The following GALNTL6 variants were observed in gnomAD, a reference collection of about 807,000 sequenced individuals.
The protein encoded by GALNTL6 is polypeptide N-acetylgalactosaminyltransferase like 6.
A neutral mutation model predicts 73.7 loss-of-function variants in GALNTL6; 46 were observed. The ratio of observed to expected loss-of-function variants is 0.62; its 90% CI spans 0.49 to 0.80. The LOEUF is 0.80. GALNTL6 is among the 30% of genes least tolerant of loss of function. The pLI is 0.00. For missense variants in GALNTL6, 604 were observed against 755.0 expected, an observed-to-expected ratio of 0.80 and a Z score of 2.34; for synonymous variants, 259 against 263.7, an observed-to-expected ratio of 0.98 and a Z score of 0.17.
intron 8 of GALNTL6, among the ~76,000 whole-genome samples, chr4:172,902,789 C>T (rs765837156): frequency 2.6e-5 from 4 of 152,180 alleles, no homozygotes; most frequent in Admixed American, 1.3e-4. Context: ...GTTAACTTAC[C>T]TCTACAGTCA....
intron 7 of GALNTL6, among the ~76,000 whole-genome samples, chr4:172,881,856 A>T (rs1745468134): frequency 6.6e-6 from 1 of 152,136 alleles, no homozygotes; most frequent in South Asian, 2.1e-4. Context: ...GAAGAGCCCT[A>T]GCGCAGCCTC....
chr4:172,818,569 A>G (rs1741741510), intron 7 of GALNTL6, among the ~76,000 whole-genome samples: 1 of 152,168 alleles, frequency 6.6e-6, no homozygotes, highest in African/African-American at 2.4e-5. Flanking sequence ...ATAAATACAT[A>G]TATACAGCAG....
chr4:172,343,152 A>G (rs1198197834), intron 4 of GALNTL6, among the ~76,000 whole-genome samples: 1 of 152,314 alleles, frequency 6.6e-6, no homozygotes, highest in Admixed American at 6.5e-5. Context: ...ACAAACAAAC[A>G]AAACAAAACA....
intron 5 of GALNTL6, among the ~76,000 whole-genome samples, chr4:172,400,652 G>C (rs1033682271): frequency 6.6e-6 from 1 of 152,100 alleles, no homozygotes; most frequent in Non-Finnish European, 1.5e-5. Context: ...AGAGGAGCAG[G>C]AGAAGTGAAG....
At chr4:172,144,661 C>A (rs1441079735) in intron 2 of GALNTL6, among the ~76,000 whole-genome samples, 1 of 152,118 alleles carries the variant, frequency 6.6e-6, no homozygotes, top group African/African-American at 2.4e-5. Context: ...ATCATTTTAT[C>A]TTTTCTAAAT....
intron 5 of GALNTL6, among the ~76,000 whole-genome samples, chr4:172,484,853 G>T (rs1398567364): frequency 6.6e-6 from 1 of 152,034 alleles, no homozygotes; most frequent in Non-Finnish European, 1.5e-5. Context: ...ATATAACCTT[G>T]TTTTGGAGGA....
chr4:172,881,616 A>G (rs1423930847), intron 7 of GALNTL6, among the ~76,000 whole-genome samples: 2 of 152,206 alleles, frequency 1.3e-5, no homozygotes, highest in South Asian at 2.1e-4. Context: ...AATAAATTGG[A>G]TTGGTGTCTA....
intron 2 of GALNTL6, among the ~76,000 whole-genome samples, chr4:172,194,563 A>T (rs749538461): frequency 6.6e-6 from 1 of 152,234 alleles, no homozygotes; most frequent in Non-Finnish European, 1.5e-5. Flanking sequence ...GAGGTCGCCT[A>T]TAAAGCGAAG....
intron 5 of GALNTL6, among the ~76,000 whole-genome samples, chr4:172,680,694 C>A (rs1469343481): frequency 6.6e-6 from 1 of 152,188 alleles, no homozygotes; most frequent in East Asian, 1.9e-4. Context: ...CCCTTCCTGA[C>A]AGAAGAGCAC....
At chr4:172,114,865 A>G (rs1193188870) in intron 2 of GALNTL6, among the ~76,000 whole-genome samples, 1 of 152,056 alleles carries the variant, frequency 6.6e-6, no homozygotes, top group East Asian at 1.9e-4. Context: ...ATTTTATTAC[A>G]TACGACAGTC....
At chr4:171,942,424 A>T (rs1738579423) in intron 2 of GALNTL6, among the ~76,000 whole-genome samples, 2 of 152,014 alleles carry the variant, frequency 1.3e-5, no homozygotes, top group South Asian at 4.1e-4. Context: ...TTTCATCTTA[A>T]ACAAAAAGCA....
intron 12 of GALNTL6, 64 bp downstream of exon 12, chr4:173,021,689 T>G: frequency 6.4e-7 from 1 of 1,566,588 alleles, no homozygotes; most frequent in Non-Finnish European, 8.8e-7. Flanking sequence ...TTACTCAGTT[T>G]TCTTTGAAAA....
chr4:172,140,605 T>C (rs967700932), intron 2 of GALNTL6, among the ~76,000 whole-genome samples: 2 of 152,080 alleles, frequency 1.3e-5, no homozygotes, highest in South Asian at 4.1e-4. Flanking sequence ...CTAGTAAATA[T>C]ACAGTATAGG....
intron 5 of GALNTL6, among the ~76,000 whole-genome samples, chr4:172,467,842 CTTTCTTT>C (rs1158466175): frequency 1.0e-4 from 15 of 145,918 alleles, no homozygotes; most frequent in Non-Finnish European, 2.3e-4. Context: ...TTCTTTCTTT[CTTTCTTT>C]CTTTCTTTCT....
At chr4:171,909,341 C>T (rs1191137434) in intron 2 of GALNTL6, among the ~76,000 whole-genome samples, 1 of 151,818 alleles carries the variant, frequency 6.6e-6, no homozygotes, top group African/African-American at 2.4e-5. Flanking sequence ...CATAGATGAT[C>T]CAGGGTTATA....
intron 5 of GALNTL6, among the ~76,000 whole-genome samples, chr4:172,710,181 C>T (rs904031195): frequency 2.0e-5 from 3 of 152,076 alleles, no homozygotes; most frequent in Middle Eastern, 3.2e-3. Context: ...GCATTCTAAT[C>T]GTTTGCTGGG....
chr4:172,462,234 G>A (rs1732645637), intron 5 of GALNTL6, among the ~76,000 whole-genome samples: 1 of 152,102 alleles, frequency 6.6e-6, no homozygotes, highest in African/African-American at 2.4e-5. Flanking sequence ...ATATCCATGT[G>A]AGCTAATTCC....
chr4:172,231,701 G>T (rs569101130), intron 3 of GALNTL6, among the ~76,000 whole-genome samples: 87 of 152,166 alleles, frequency 5.7e-4, no homozygotes, highest in African/African-American at 2.0e-3. Context: ...CACAGTAATT[G>T]TCCAATTATT....
intron 2 of GALNTL6, among the ~76,000 whole-genome samples, chr4:171,843,422 C>T (rs946247567): frequency 1.3e-5 from 2 of 152,024 alleles, no homozygotes; most frequent in African/African-American, 4.8e-5. Context: ...TAAAAGATTA[C>T]TGACATTCTT....
Sources: allele counts gnomAD v4.1 joint callset (sites outside exome capture counted in the v4.1 genomes callset), GRCh38; gene constraint gnomAD v4.1.1; transcripts MANE v1.5; gene names NCBI Gene and HGNC (gene_info 2026-07-23, HGNC 2026-07-21).